WWC2: variants seen among roughly 807,000 people sequenced by gnomAD.
WWC2 encodes the protein protein WWC2.
In WWC2, 101 loss-of-function variants were observed where a neutral mutation model predicts 138.5. The ratio of observed to expected loss-of-function variants is 0.73; its 90% confidence interval spans 0.62 to 0.86. The LOEUF (loss-of-function observed/expected upper bound fraction) is 0.86. WWC2 is among the 40% of genes least tolerant of loss of function. The pLI, the probability that WWC2 is intolerant of heterozygous loss-of-function variation, is 0.00. For synonymous variants in WWC2, 558 were observed against 538.4 expected, an observed-to-expected ratio of 1.04 and a Z score of -0.50; for missense variants, 1,420 against 1,419.4, an observed-to-expected ratio of 1.00 and a Z score of -0.01.
intron 1 of WWC2, among the ~76,000 whole-genome samples, chr4:183,142,291 A>G (rs951425636): frequency 2.6e-5 from 4 of 152,374 alleles, no homozygotes; most frequent in Admixed American, 6.5e-5. Context: ...AATAAGGTCC[A>G]GATTTAACTG....
rs117693385 is a variant in WWC2, at chr4:183,317,416, C to G, written c.*1687C>G. The stretch of plus-strand genomic sequence containing the variant: ...GACACTGCTTTGAACAAAAACCAGC[C>G]TAGTGAATTGACTGAGTACAGTCCT... On this transcript the variant is annotated 3_prime_UTR_variant, in exon 23 of 23. Transcript: ENST00000403733. The G allele has an allele frequency of 6.6e-6, 1 of 152,626 alleles. No homozygotes were observed. Among genetic ancestry groups the G allele is most frequent in the African/African-American group, 2.4e-5 (1 of 41,442 alleles). The allele number at this position is 152,626 out of a possible 1,614,324, so 9.5% of individuals were successfully genotyped here.
At chr4:183,113,766 GA>G (rs1732325600) in intron 1 of WWC2, among the ~76,000 whole-genome samples, 1 of 150,318 alleles carries the variant, frequency 6.7e-6, no homozygotes, top group Non-Finnish European at 1.5e-5. Flanking sequence ...AGGAATTACA[GA>G]TTTTTTTTTT....
At chr4:183,266,006 G>T in intron 14 of WWC2, 55 bp downstream of exon 14, 1 of 1,459,782 alleles carries the variant, frequency 6.9e-7, no homozygotes, top group Non-Finnish European at 9.4e-7. Flanking sequence ...CCATGTAAGA[G>T]AATTTTACAC....
chr4:183,243,840 T>C (rs1005288313), intron 5 of WWC2, among the ~76,000 whole-genome samples: 5 of 151,544 alleles, frequency 3.3e-5, no homozygotes, highest in African/African-American at 1.2e-4. Flanking sequence ...TATCAGATGA[T>C]CTTATGATCA....
intron 20 of WWC2, among the ~76,000 whole-genome samples, 165 bp from the exon 21 acceptor site, chr4:183,289,228 C>G (rs1216492579): frequency 1.3e-5 from 2 of 152,238 alleles, no homozygotes; most frequent in African/African-American, 2.4e-5. Context: ...AGGCATGTCT[C>G]TCCCACTCAC....
At chr4:183,258,408 A>G (rs1238718724) in intron 9 of WWC2, among the ~76,000 whole-genome samples, 1 of 152,244 alleles carries the variant, frequency 6.6e-6, no homozygotes, top group Admixed American at 6.5e-5. Flanking sequence ...ATAATGGAAT[A>G]GTGTTGTTGA....
chr4:183,269,371 T>C, intron 15 of WWC2: 1 of 714,390 alleles, frequency 1.4e-6, no homozygotes, highest in Non-Finnish European at 2.6e-6. Context: ...GCTTATAAAT[T>C]GTGATTTTCT....
At chr4:183,152,029 G>C (rs1040967009) in intron 1 of WWC2, among the ~76,000 whole-genome samples, 1 of 152,138 alleles carries the variant, frequency 6.6e-6, no homozygotes, top group African/African-American at 2.4e-5. Context: ...CCTCAGTGTC[G>C]TAACTGAAAG....
chr4:183,143,648 A>G (rs1381559757), intron 1 of WWC2, among the ~76,000 whole-genome samples: 3 of 152,042 alleles, frequency 2.0e-5, no homozygotes, highest in African/African-American at 4.8e-5. Flanking sequence ...GTCTACAAAA[A>G]ATGCAAAAAT....
intron 4 of WWC2, among the ~76,000 whole-genome samples, chr4:183,214,174 C>T (rs1735683926): frequency 6.6e-6 from 1 of 152,182 alleles, no homozygotes; most frequent in Non-Finnish European, 1.5e-5. Flanking sequence ...TTTGGTTAAA[C>T]TATTTGCACC....
In WWC2 at chr4:183,262,347, A is replaced by G. The variant is rs1027271598; in HGVS notation, c.1909+815A>G. On this transcript the variant is annotated intron_variant, in intron 11 of 22. Transcript: ENST00000403733. ...GAAATAAAAGCCCCAGTGCTCATCTACAGCTGTCCTGTTCACAGCTACATG... is the reference window on the plus strand; with the variant it reads ...GAAATAAAAGCCCCAGTGCTCATCTGCAGCTGTCCTGTTCACAGCTACATG... 2.6e-5 allele frequency among the ~76,000 whole-genome samples: 4 copies of G among 152,230 alleles called. 1 individual carries two copies. The highest frequency in any genetic ancestry group is 9.6e-5 in the African/African-American group (4 of 41,454).
chr4:183,104,879 A>T (rs1743300004), intron 1 of WWC2, among the ~76,000 whole-genome samples: 1 of 152,190 alleles, frequency 6.6e-6, no homozygotes, highest in African/African-American at 2.4e-5. Flanking sequence ...GACTCAGGAC[A>T]ATAATTGCTT....
intron 1 of WWC2, among the ~76,000 whole-genome samples, chr4:183,124,582 C>G (rs1315851660): frequency 6.7e-6 from 1 of 148,628 alleles, no homozygotes; most frequent in Non-Finnish European, 1.5e-5. Flanking sequence ...GCCACCATGC[C>G]CAGCTTGCAG....
chr4:183,134,696 ATAAT>A (rs1049389681), intron 1 of WWC2, among the ~76,000 whole-genome samples: 18 of 152,032 alleles, frequency 1.2e-4, no homozygotes, highest in Non-Finnish European at 5.9e-5. Context: ...GCTTTATATG[ATAAT>A]TTGTTAGTAG....
chr4:183,170,504 T>C (rs1734246661), intron 1 of WWC2, among the ~76,000 whole-genome samples: 1 of 152,098 alleles, frequency 6.6e-6, no homozygotes, highest in Admixed American at 6.5e-5. Context: ...GAGAGCAGGC[T>C]TGGGAACATG....
At chr4:183,240,283 TC>T (rs1693465975) in intron 5 of WWC2, 21 bp downstream of exon 5, 1 of 1,531,350 alleles carries the variant, frequency 6.5e-7, no homozygotes, top group Admixed American at 2.1e-5. Flanking sequence ...AAAGACTGAA[TC>T]AACTTTAGAA....
At chr4:183,248,648 C>T (rs1199349508) in intron 6 of WWC2, 66 bp from the exon 7 acceptor site, 55 of 1,438,034 alleles carry the variant, frequency 3.8e-5, no homozygotes, top group South Asian at 1.5e-5. Flanking sequence ...TTTAATTTCA[C>T]CTGGTAGGGA....
intron 1 of WWC2, among the ~76,000 whole-genome samples, chr4:183,132,433 A>G (rs1254670664): frequency 6.6e-6 from 1 of 151,240 alleles, no homozygotes; most frequent in Admixed American, 6.6e-5. Context: ...CGGGTGTTGA[A>G]TTTTATAAAA....
At chr4:183,264,542 T>G (rs1737431293) in intron 11 of WWC2, among the ~76,000 whole-genome samples, 1 of 152,154 alleles carries the variant, frequency 6.6e-6, no homozygotes, top group African/African-American at 2.4e-5. Flanking sequence ...ATATGGCATG[T>G]GGAGAGAAGG....
Sources: gnomAD v4.1 joint callset for allele counts (sites outside exome capture counted in the v4.1 genomes callset) on GRCh38, gnomAD v4.1.1 for gene constraint, MANE v1.5 for transcripts, NCBI Gene and HGNC (gene_info 2026-07-23, HGNC 2026-07-21) for gene names.